TRHDE: variants seen among roughly 807,000 people sequenced by gnomAD.
TRHDE encodes the protein thyrotropin-releasing hormone-degrading ectoenzyme.
A neutral mutation model predicts 125.7 loss-of-function variants in TRHDE; 72 were observed. The observed-to-expected ratio is 0.57, with a 90% CI of 0.47 to 0.70. The LOEUF (loss-of-function observed/expected upper bound fraction) is 0.70. Ranked by LOEUF, TRHDE falls within the 30% of genes least tolerant of loss-of-function variation. The pLI is 0.00. For synonymous variants in TRHDE, 509 were observed against 509.1 expected (o/e 1.00, Z 0.00); for missense variants, 1,110 against 1,327.1 (o/e 0.84, Z 2.54).
chr12:72,629,315 A>T (rs1414368770), intron 15 of TRHDE, among the ~76,000 whole-genome samples: 1 of 151,798 alleles, frequency 6.6e-6, no homozygotes, highest in Non-Finnish European at 1.5e-5. Flanking sequence ...TAATTTTTAC[A>T]TAAGTATGCT....
chr12:72,597,731 A>T, intron 12 of TRHDE, among the ~76,000 whole-genome samples: 1 of 7,302 alleles, frequency 1.4e-4, no homozygotes, highest in South Asian at 5.3e-3. Flanking sequence ...ATATATATAT[A>T]TATATATATA....
intron 12 of TRHDE, among the ~76,000 whole-genome samples, chr12:72,609,121 TTGTC>T (rs1008697401): frequency 2.0e-5 from 3 of 152,186 alleles, no homozygotes; most frequent in African/African-American, 7.2e-5. Context: ...CTCTGCTCCT[TTGTC>T]TGGCATCGTT....
intron 1 of TRHDE, among the ~76,000 whole-genome samples, chr12:72,092,129 TA>T (rs1207984909): frequency 6.6e-6 from 1 of 152,196 alleles, no homozygotes; most frequent in East Asian, 1.9e-4. Flanking sequence ...GATCTTAGAA[TA>T]GCTAAAGCAT....
intron 2 of TRHDE, among the ~76,000 whole-genome samples, chr12:72,220,945 A>G (rs1592488992): frequency 1.3e-5 from 2 of 152,200 alleles, no homozygotes; most frequent in African/African-American, 4.8e-5. Context: ...ATTTTTTTAA[A>G]TGTATTAAAA....
chr12:72,393,090 A>G (rs373255057), intron 3 of TRHDE, among the ~76,000 whole-genome samples: 6 of 152,280 alleles, frequency 3.9e-5, no homozygotes, highest in South Asian at 2.1e-4. Context: ...TCAATATGAC[A>G]TATTTACGCA....
Position 72,406,572 on chromosome 12 carries a change from T to G in TRHDE, c.1315+28451T>G, listed in dbSNP as rs557965564. 9.2e-5 allele frequency among the ~76,000 whole-genome samples: 14 copies of G among 152,270 alleles called. 1 individual carries two copies. The highest frequency in any genetic ancestry group is 7.2e-4 in the Admixed American group (11 of 15,278). On this transcript the variant is annotated intron_variant, in intron 3 of 18. Coordinates refer to ENST00000261180, the MANE Select transcript of TRHDE (RefSeq NM_013381.3). ...CTCCTAAGGGAGAGATTCTCTTAAG[T>G]TTTGTTAAATATCTCCTGATCTTTT...
At chr12:72,558,988 A>G (rs76216945) in intron 7 of TRHDE, among the ~76,000 whole-genome samples, 39,870 of 151,680 alleles carry the variant, frequency 0.26, 7,814 homozygotes, top group African/African-American at 0.53. Flanking sequence ...CTGAGTTCCA[A>G]TGTTCTGATT....
intron 6 of TRHDE, among the ~76,000 whole-genome samples, chr12:72,541,282 A>G (rs1222892994): frequency 1.3e-5 from 2 of 151,554 alleles, no homozygotes; most frequent in South Asian, 2.1e-4. Flanking sequence ...TACCAATTCA[A>G]TTTGGTCAAG....
intron 7 of TRHDE, 43 bp from the exon 8 acceptor site, chr12:72,562,121 CT>C: frequency 1.1e-6 from 1 of 877,756 alleles, no homozygotes; most frequent in South Asian, 1.6e-5. Flanking sequence ...TTACTAGTTA[CT>C]GTTTAACCTT....
chr12:72,460,912 G>A (rs372575608), intron 3 of TRHDE, among the ~76,000 whole-genome samples: 4 of 152,074 alleles, frequency 2.6e-5, no homozygotes, highest in African/African-American at 9.7e-5. Flanking sequence ...GGCATAGAAA[G>A]CCTTTTTCAG....
At chr12:72,293,809 G>T (rs376984566) in intron 2 of TRHDE, among the ~76,000 whole-genome samples, 1 of 152,112 alleles carries the variant, frequency 6.6e-6, no homozygotes. Context: ...GGCTCATTTC[G>T]CCCACTTTGC....
At chr12:72,426,584 G>A (rs910152080) in intron 3 of TRHDE, among the ~76,000 whole-genome samples, 4 of 152,012 alleles carry the variant, frequency 2.6e-5, no homozygotes, top group Non-Finnish European at 4.4e-5. Flanking sequence ...ACTAGAAATA[G>A]TAGGTTACTT....
upstream of TRHDE, chr12:72,272,043 T>A: frequency 2.2e-6 from 1 of 457,326 alleles, no homozygotes; most frequent in Admixed American, 2.3e-5. This position sits in a 1 kb window ranked among gnomAD's most constrained non-coding sequence, Gnocchi z 6.7. Flanking sequence ...CTCTAGTCTC[T>A]CCCACCTCGG....
chr12:72,595,097 A>C (rs1871872970), intron 12 of TRHDE, among the ~76,000 whole-genome samples: 1 of 114,298 alleles, frequency 8.7e-6, no homozygotes, highest in Admixed American at 1.3e-4. Context: ...GGAACATCAC[A>C]CTCTGGGGAC....
At chr12:72,250,319 T>C (rs559171497) in intron 2 of TRHDE, among the ~76,000 whole-genome samples, 5 of 152,296 alleles carry the variant, frequency 3.3e-5, no homozygotes, top group African/African-American at 1.2e-4. Context: ...AGTTTGGAGA[T>C]GAGAGAGGTC....
chr12:72,223,086 T>C (rs1878033225), intron 2 of TRHDE, among the ~76,000 whole-genome samples: 7 of 152,098 alleles, frequency 4.6e-5, no homozygotes, highest in Admixed American at 4.6e-4. Flanking sequence ...CAAGTCAGCA[T>C]AGTGACCTGA....
chr12:72,422,064 T>C (rs1170690103), intron 3 of TRHDE, among the ~76,000 whole-genome samples: 2 of 152,148 alleles, frequency 1.3e-5, no homozygotes, highest in African/African-American at 2.4e-5. Context: ...ATTTATTATC[T>C]CCCATCCTGA....
chr12:72,177,182 G>A (rs931245608), intron 2 of TRHDE, among the ~76,000 whole-genome samples: 1 of 152,048 alleles, frequency 6.6e-6, no homozygotes, highest in African/African-American at 2.4e-5. Context: ...AATTTGGAAG[G>A]CAGCATTTAT....
At chr12:72,558,763 A>T (rs980626531) in intron 7 of TRHDE, among the ~76,000 whole-genome samples, 3 of 152,164 alleles carry the variant, frequency 2.0e-5, no homozygotes, top group Non-Finnish European at 4.4e-5. Flanking sequence ...TGATCAAGGC[A>T]TCAAGATAAC....
Sources: allele counts gnomAD v4.1 joint callset (sites outside exome capture counted in the v4.1 genomes callset), GRCh38; gene constraint gnomAD v4.1.1; non-coding constraint Gnocchi (gnomAD v3.1); transcripts MANE v1.5; gene names NCBI Gene and HGNC (gene_info 2026-07-23, HGNC 2026-07-21).